RAD51B: variants seen among roughly 807,000 people sequenced by gnomAD.
RAD51B encodes the protein RAD51 paralog B.
RAD51B carries 38 observed loss-of-function variants against 42.2 expected under a neutral mutation model. The ratio of observed to expected loss-of-function variants is 0.90; its 90% CI spans 0.70 to 1.18. The LOEUF is 1.18. Among genes scored for constraint, RAD51B ranks in the 50% most tolerant of loss-of-function variants. The probability of loss-of-function intolerance (pLI) is 0.00; values close to 1 mark genes in which losing one functional copy is unlikely to be tolerated. For missense variants in RAD51B, 373 were observed against 400.7 expected, an observed-to-expected ratio of 0.93 and a Z score of 0.59; for synonymous variants, 154 against 145.2, an observed-to-expected ratio of 1.06 and a Z score of -0.43.
intron 7 of RAD51B, among the ~76,000 whole-genome samples, chr14:68,173,032 A>G (rs973025250): frequency 4.6e-5 from 7 of 152,192 alleles, no homozygotes; most frequent in African/African-American, 1.7e-4. Flanking sequence ...AAGGCATTTT[A>G]AAGTTTATTG....
intron 7 of RAD51B, among the ~76,000 whole-genome samples, chr14:68,240,359 G>A (rs183141279): frequency 3.3e-5 from 5 of 152,204 alleles, no homozygotes; most frequent in African/African-American, 1.2e-4. Context: ...GAACTTCTGG[G>A]GATTGTCTGT....
intron 4 of RAD51B, among the ~76,000 whole-genome samples, chr14:67,842,198 AT>A (rs953130122): frequency 2.6e-5 from 4 of 152,010 alleles, no homozygotes; most frequent in African/African-American, 9.7e-5. Context: ...CTGGAATGTT[AT>A]TGGTGTATAG....
intron 4 of RAD51B, 152 bp from the exon 5 acceptor site, chr14:67,864,851 G>C: frequency 8.3e-7 from 1 of 1,210,790 alleles, no homozygotes. Flanking sequence ...CCATACAATG[G>C]ATGTCTTGGG....
At chr14:67,910,728 C>T (rs1330254450) in intron 7 of RAD51B, among the ~76,000 whole-genome samples, 1 of 151,776 alleles carries the variant, frequency 6.6e-6, no homozygotes, top group African/African-American at 2.4e-5. Context: ...TATTGTGCAT[C>T]GTTCTGATTT....
At chr14:68,593,285 TG>T (rs1890838906) in intron 10 of RAD51B, among the ~76,000 whole-genome samples, 1 of 152,322 alleles carries the variant, frequency 6.6e-6, no homozygotes, top group African/African-American at 2.4e-5. Context: ...GCCCACCTCA[TG>T]GAATTGTTCT....
chr14:68,558,047 A>T (rs1296953154), intron 10 of RAD51B, among the ~76,000 whole-genome samples: 1 of 152,228 alleles, frequency 6.6e-6, no homozygotes, highest in Non-Finnish European at 1.5e-5. Flanking sequence ...CCATAAATTT[A>T]CGCCACCCCA....
intron 10 of RAD51B, chr14:68,541,738 A>G (rs1166020141): frequency 1.5e-5 from 15 of 985,412 alleles, no homozygotes; most frequent in Non-Finnish European, 1.8e-5. Flanking sequence ...TTGTAGTAAC[A>G]GCTGTTAGTA....
At chr14:68,559,430 G>GA (rs1239845262) in intron 10 of RAD51B, among the ~76,000 whole-genome samples, 5 of 151,144 alleles carry the variant, frequency 3.3e-5, no homozygotes, top group Non-Finnish European at 7.4e-5. Flanking sequence ...ACCTAGGCTG[G>GA]AGTGCAGTGG....
At chr14:68,183,421 C>G (rs749345811) in intron 7 of RAD51B, among the ~76,000 whole-genome samples, 2 of 152,216 alleles carry the variant, frequency 1.3e-5, no homozygotes, top group Non-Finnish European at 2.9e-5. Flanking sequence ...GCCACACTGG[C>G]AGCTGATTAG....
chr14:67,876,160 T>G (rs1220933542), intron 5 of RAD51B, among the ~76,000 whole-genome samples: 1 of 134,020 alleles, frequency 7.5e-6, no homozygotes, highest in Non-Finnish European at 1.6e-5. Context: ...AATTAATAGA[T>G]TCATATCATT....
At chr14:68,021,852 A>C (rs1202618957) in intron 7 of RAD51B, among the ~76,000 whole-genome samples, 1 of 152,224 alleles carries the variant, frequency 6.6e-6, no homozygotes, top group African/African-American at 2.4e-5. Context: ...AAAAATGTTA[A>C]CAATCATCTG....
intron 7 of RAD51B, among the ~76,000 whole-genome samples, chr14:68,206,821 ACT>A (rs1449945080): frequency 1.5e-5 from 2 of 129,686 alleles, no homozygotes; most frequent in Non-Finnish European, 3.2e-5. Flanking sequence ...ACGGAGTCTC[ACT>A]CTGTCACCCA....
chr14:68,528,646 T>C (rs538026811), intron 10 of RAD51B, among the ~76,000 whole-genome samples: 33 of 152,184 alleles, frequency 2.2e-4, no homozygotes, highest in Non-Finnish European at 4.6e-4. Flanking sequence ...CTGGCAAATA[T>C]AGATTTGTTC....
At chr14:68,244,067 A>G (rs1204177055) in intron 7 of RAD51B, among the ~76,000 whole-genome samples, 1 of 152,240 alleles carries the variant, frequency 6.6e-6, no homozygotes, top group Non-Finnish European at 1.5e-5. Flanking sequence ...AAAACAAACA[A>G]AAACAACCAC....
chr14:68,548,783 C>A (rs375021766), intron 10 of RAD51B, among the ~76,000 whole-genome samples: 3 of 152,184 alleles, frequency 2.0e-5, no homozygotes, highest in South Asian at 2.1e-4. Flanking sequence ...ATTATCCCCC[C>A]ACCCAGGGCA....
At chr14:68,183,151 G>A (rs1462378192) in intron 7 of RAD51B, among the ~76,000 whole-genome samples, 2 of 152,142 alleles carry the variant, frequency 1.3e-5, no homozygotes, top group Non-Finnish European at 2.9e-5. Flanking sequence ...ATCACAAGGT[G>A]AGGTCCCACA....
chr14:68,239,259 C>A (rs1367110582), intron 7 of RAD51B, among the ~76,000 whole-genome samples: 1 of 152,140 alleles, frequency 6.6e-6, no homozygotes, highest in African/African-American at 2.4e-5. Context: ...CTTATTCGCC[C>A]CTTCTCTGAC....
chr14:68,465,340 A>G (rs1218488009), intron 9 of RAD51B, among the ~76,000 whole-genome samples: 9 of 152,010 alleles, frequency 5.9e-5, no homozygotes, highest in Admixed American at 2.6e-4. Flanking sequence ...TCATCTCATC[A>G]CTGAATTATT....
At chr14:68,663,027 G>A (rs564893623) in intron 11 of RAD51B, among the ~76,000 whole-genome samples, 4 of 152,360 alleles carry the variant, frequency 2.6e-5, no homozygotes, top group South Asian at 4.1e-4. Context: ...GGGGCCAGGC[G>A]TGGTGGGTCA....
Sources: gnomAD v4.1 joint callset for allele counts (sites outside exome capture counted in the v4.1 genomes callset) on GRCh38, gnomAD v4.1.1 for gene constraint, MANE v1.5 for transcripts, NCBI Gene and HGNC (gene_info 2026-07-23, HGNC 2026-07-21) for gene names.